ATRNL1: variants seen among roughly 807,000 people sequenced by gnomAD.
ATRNL1 encodes the protein attractin-like protein 1.
A neutral mutation model predicts 182.7 loss-of-function variants in ATRNL1; 95 were observed. The observed-to-expected ratio is 0.52, with a 90% confidence interval of 0.44 to 0.62. The LOEUF is 0.62. ATRNL1 is among the 20% of genes least tolerant of loss of function. The pLI, the probability that ATRNL1 is intolerant of heterozygous loss-of-function variation, is 0.00. For missense variants in ATRNL1, 1,471 were observed against 1,679.5 expected (o/e 0.88, Z 2.17); for synonymous variants, 576 against 568.3 (o/e 1.01, Z -0.19).
At chr10:115,517,594 T>C (rs1427298455) in intron 24 of ATRNL1, among the ~76,000 whole-genome samples, 2 of 151,846 alleles carry the variant, frequency 1.3e-5, no homozygotes, top group Non-Finnish European at 2.9e-5. Flanking sequence ...TTTTTTTATA[T>C]ATTTGCTAAT....
intron 27 of ATRNL1, among the ~76,000 whole-genome samples, chr10:115,835,296 A>T (rs1950644167): frequency 6.6e-6 from 1 of 152,152 alleles, no homozygotes; most frequent in Admixed American, 6.5e-5. Context: ...TCATGACTTA[A>T]CAAAAAGTAA....
chr10:115,499,265 A>G (rs992335338), intron 24 of ATRNL1, among the ~76,000 whole-genome samples: 29 of 152,326 alleles, frequency 1.9e-4, no homozygotes, highest in African/African-American at 6.5e-4. Flanking sequence ...CTAACTGAAG[A>G]GATTGGGCTC....
chr10:115,483,611 G>T (rs552747353), intron 24 of ATRNL1, among the ~76,000 whole-genome samples: 53 of 151,392 alleles, frequency 3.5e-4, no homozygotes, highest in African/African-American at 1.3e-3. Context: ...TATTTCTTTA[G>T]ATTTATCAAT....
chr10:115,575,687 A>C (rs1392334168), intron 26 of ATRNL1, among the ~76,000 whole-genome samples: 1 of 152,032 alleles, frequency 6.6e-6, no homozygotes, highest in Non-Finnish European at 1.5e-5. Flanking sequence ...GTGCAAGATA[A>C]TGTTTTGATA....
At chr10:115,232,893 T>C (rs368548226) in intron 9 of ATRNL1, among the ~76,000 whole-genome samples, 2 of 152,192 alleles carry the variant, frequency 1.3e-5, no homozygotes, top group African/African-American at 4.8e-5. Context: ...TAAACTATCA[T>C]AGACTTGGAG....
intron 15 of ATRNL1, among the ~76,000 whole-genome samples, chr10:115,297,602 G>T (rs1429090288): frequency 6.9e-6 from 1 of 145,198 alleles, no homozygotes; most frequent in African/African-American, 2.6e-5. Context: ...CCAAGATCGA[G>T]ATTGCGCCAC....
intron 4 of ATRNL1, 118 bp from the exon 5 acceptor site, chr10:115,129,209 T>G (rs879958733): frequency 1.5e-6 from 1 of 677,560 alleles, no homozygotes; most frequent in Non-Finnish European, 2.5e-6. Flanking sequence ...ATTGTGAAAT[T>G]CTGTTACATT....
intron 20 of ATRNL1, among the ~76,000 whole-genome samples, chr10:115,417,868 G>C (rs974242643): frequency 3.3e-5 from 5 of 152,184 alleles, no homozygotes; most frequent in African/African-American, 1.2e-4. Flanking sequence ...TGTTTAGGGA[G>C]TTGCAGTGGT....
At chr10:115,388,038 G>C (rs1263220574) in intron 19 of ATRNL1, among the ~76,000 whole-genome samples, 1 of 152,176 alleles carries the variant, frequency 6.6e-6, no homozygotes, top group Non-Finnish European at 1.5e-5. Context: ...CATAATGCAT[G>C]ATTATGTTTT....
intron 20 of ATRNL1, among the ~76,000 whole-genome samples, chr10:115,407,400 C>T (rs190029960): frequency 1.5e-3 from 228 of 152,236 alleles, no homozygotes; most frequent in African/African-American, 5.4e-3. Flanking sequence ...CCCTTCCCAG[C>T]CACTAGTACC....
At chr10:115,201,468 C>T (rs1217392652) in intron 8 of ATRNL1, among the ~76,000 whole-genome samples, 16 of 152,216 alleles carry the variant, frequency 1.1e-4, no homozygotes, top group African/African-American at 3.9e-4. Flanking sequence ...GTTTTCCCAG[C>T]ACCATTTATT....
At chr10:115,606,172 A>T (rs1165684399) in intron 26 of ATRNL1, among the ~76,000 whole-genome samples, 1 of 152,026 alleles carries the variant, frequency 6.6e-6, no homozygotes, top group African/African-American at 2.4e-5. Context: ...ATATTTTGCA[A>T]ATATTTTTCA....
chr10:115,213,868 G>A (rs933158178), intron 8 of ATRNL1, among the ~76,000 whole-genome samples: 11 of 151,792 alleles, frequency 7.2e-5, no homozygotes, highest in Non-Finnish European at 1.5e-4. Context: ...TGTTTCTAAG[G>A]GCAAATTGAA....
Position 115,097,133 on chromosome 10 carries a change from G to C in ATRNL1, c.293+3090G>C, listed in dbSNP as rs980792385. Among the ~76,000 whole-genome samples, 3 of 151,844 alleles carry C rather than the reference G, an allele frequency of 2.0e-5. No homozygotes were observed. The East Asian group carries it at 5.8e-4, about 29-fold the overall frequency. ...TCTTTATATTAGTCAAATATAAAGGGGTATATTTTTACCCCTCTTAGGTTA... is the reference window on the plus strand; with the variant it reads ...TCTTTATATTAGTCAAATATAAAGGCGTATATTTTTACCCCTCTTAGGTTA... On this transcript the variant is annotated intron_variant, in intron 1 of 28. Coordinates refer to ENST00000355044, the MANE Select transcript of ATRNL1 (RefSeq NM_207303.4).
intron 26 of ATRNL1, among the ~76,000 whole-genome samples, chr10:115,671,839 G>A (rs2532729): frequency 0.55 from 84,061 of 151,866 alleles, 24,031 homozygotes; most frequent in East Asian, 0.96. Context: ...TTTCATTTCA[G>A]TCCATTTGAG....
rs370902176 is a variant in ATRNL1, at chr10:115,655,547, G to A, written c.3796-71701G>A. On this transcript the variant is annotated intron_variant, in intron 26 of 28. Transcript: ENST00000355044. ...GTGATAACTACTTCTTTTGAATTTT[G>A]TAACAGTTTCTGTGATATGCATGTT... 2.6e-4 allele frequency among the ~76,000 whole-genome samples: 40 copies of A among 152,186 alleles called. No individual in the cohort carries two copies. The East Asian group carries it at 5.4e-3, about 21-fold the overall frequency.
chr10:115,150,632 G>T (rs1846181199), intron 5 of ATRNL1, among the ~76,000 whole-genome samples: 1 of 151,940 alleles, frequency 6.6e-6, no homozygotes, highest in South Asian at 2.1e-4. Flanking sequence ...GCATGTATTT[G>T]TACAGTTTCC....
At chr10:115,553,448 A>T (rs1257823684) in intron 26 of ATRNL1, among the ~76,000 whole-genome samples, 1 of 151,330 alleles carries the variant, frequency 6.6e-6, no homozygotes, top group Non-Finnish European at 1.5e-5. Context: ...TTAATGTAGA[A>T]CTTTACCACA....
chr10:115,093,431 C>A lies in ATRNL1; in HGVS notation c.-320C>A. The A allele has an allele frequency of 2.2e-6, 1 of 446,696 alleles. No homozygotes were observed. Among genetic ancestry groups the A allele is most frequent in the Non-Finnish European group, 4.1e-6 (1 of 245,468 alleles). The allele number at this position is 446,696 out of a possible 1,614,324, so 27.7% of individuals were successfully genotyped here. ...TCCCCTCCTCCTGCCGGTCAGGTCC[C>A]CTCAGGAGCGCCGGGCGCAGTCTGC... On this transcript the variant is annotated 5_prime_UTR_variant, in exon 1 of 29. Coordinates refer to ENST00000355044, the MANE Select transcript of ATRNL1 (RefSeq NM_207303.4). The surrounding 1 kb of genome is among the most constrained non-coding windows in gnomAD (Gnocchi z 6.1).
Sources: gnomAD v4.1 joint callset for allele counts (sites outside exome capture counted in the v4.1 genomes callset) on GRCh38, gnomAD v4.1.1 for gene constraint, Gnocchi (gnomAD v3.1) non-coding constraint, MANE v1.5 for transcripts, NCBI Gene and HGNC (gene_info 2026-07-23, HGNC 2026-07-21) for gene names.